The following EPAS1 variants were observed in gnomAD, a reference collection of about 807,000 sequenced individuals.
EPAS1 encodes endothelial PAS domain-containing protein 1.
A neutral mutation model predicts 87.9 loss-of-function variants in EPAS1; 23 were observed. That is an observed-to-expected ratio of 0.26 (90% CI 0.19 to 0.37). The LOEUF (loss-of-function observed/expected upper bound fraction) is 0.37, where lower values mean the gene tolerates loss of function less well. EPAS1 is among the 10% of genes least tolerant of loss of function. The pLI is 1.00. For missense variants in EPAS1, 1,138 were observed against 1,120.7 expected (o/e 1.02, Z -0.22); for synonymous variants, 508 against 444.3 (o/e 1.14, Z -1.80).
intron 1 of EPAS1, among the ~76,000 whole-genome samples, chr2:46,301,939 C>T (rs1185470277): frequency 6.6e-6 from 1 of 151,998 alleles, no homozygotes; most frequent in Non-Finnish European, 1.5e-5. Context: ...TATAGGTAGA[C>T]CTCATTAAAC....
intron 6 of EPAS1, among the ~76,000 whole-genome samples, chr2:46,364,286 A>C (rs1459627252): frequency 6.6e-6 from 1 of 152,222 alleles, no homozygotes; most frequent in Admixed American, 6.5e-5. Context: ...GAAAAGTTAG[A>C]ATCTGAAGAA....
intron 1 of EPAS1, among the ~76,000 whole-genome samples, chr2:46,315,479 G>A (rs1342103920): frequency 6.6e-6 from 1 of 152,220 alleles, no homozygotes; most frequent in Non-Finnish European, 1.5e-5. Flanking sequence ...CTGGATGGCT[G>A]CCCACTGGCC....
At chr2:46,378,555 T>C (rs1385849690) in intron 10 of EPAS1, 102 bp from the exon 11 acceptor site, 7 of 958,142 alleles carry the variant, frequency 7.3e-6, no homozygotes, top group East Asian at 2.4e-5. Flanking sequence ...TGGAATGGAA[T>C]TGAACCTTTG....
intron 1 of EPAS1, among the ~76,000 whole-genome samples, chr2:46,345,810 T>C (rs180713854): frequency 6.6e-6 from 1 of 152,354 alleles, no homozygotes; most frequent in Admixed American, 6.5e-5. Context: ...TTTTTAACTC[T>C]TATGATTGTC....
intron 4 of EPAS1, among the ~76,000 whole-genome samples, chr2:46,357,448 T>C (rs1358862952): frequency 6.6e-6 from 1 of 152,186 alleles, no homozygotes; most frequent in Admixed American, 6.5e-5. Context: ...CTCCATATGG[T>C]GTCTCTAGGG....
At chr2:46,314,051 C>T (rs1192623242) in intron 1 of EPAS1, among the ~76,000 whole-genome samples, 1 of 151,924 alleles carries the variant, frequency 6.6e-6, no homozygotes, top group Admixed American at 6.6e-5. Flanking sequence ...ACAACTGAGG[C>T]ACAAAAATGT....
rs201373195 is a variant in EPAS1 at position 46,302,160 on chromosome 2, CGG to C, written c.26+4233_26+4234del. On this transcript the variant is annotated intron_variant, in intron 1 of 15. Transcript: ENST00000263734. ...TGTGTGTGTGTGTGTGCCCGTGCGT[CGG>C]GGGGGGGGGCAGTGGTGATTCTCAA... Among the ~76,000 whole-genome samples, 473 of 73,836 alleles carry C rather than the reference CGG, an allele frequency of 6.4e-3. 34 individuals carry two copies. The highest frequency in any genetic ancestry group is 0.029 in the African/African-American group (466 of 16,304). The allele number at this position is 73,836 out of a possible 152,430, so 48.4% of individuals were successfully genotyped here. A position where few individuals can be genotyped will look rare whatever the true frequency, so the allele number is the denominator to read the frequency against.
At chr2:46,382,386 G>A (rs1684918792) in intron 14 of EPAS1, 39 bp from the exon 15 acceptor site, 1 of 1,613,514 alleles carries the variant, frequency 6.2e-7, no homozygotes, top group Non-Finnish European at 8.5e-7. Context: ...CCCTCCCTCA[G>A]GCCAATGCTA....
In EPAS1 at chr2:46,378,686, T is replaced by C. The variant is rs767950929; in HGVS notation, c.1473T>C (p.Ser491=). ...TPNSPEDYYT[S]LDNDLKIEVI... Reference sequence around the variant, plus strand: ...ATAGCCCTGAAGACTATTACACATCTTTGGATAACGACCTGAAGATTGAAG... The same window carrying C: ...ATAGCCCTGAAGACTATTACACATCCTTGGATAACGACCTGAAGATTGAAG... The change falls in exon 11 of 16, where the codon TCT becomes TCC. Residue 491 remains serine (S), a synonymous_variant. Coordinates refer to ENST00000263734, the MANE Select transcript of EPAS1 (RefSeq NM_001430.5). 6 of 1,614,176 alleles carry C rather than the reference T, an allele frequency of 3.7e-6. No individual in the cohort carries two copies. Among genetic ancestry groups the C allele is most frequent in the Non-Finnish European group, 4.2e-6 (5 of 1,180,022 alleles).
At chr2:46,302,615 T>A (rs1268845229) in intron 1 of EPAS1, among the ~76,000 whole-genome samples, 1 of 151,478 alleles carries the variant, frequency 6.6e-6, no homozygotes, top group Non-Finnish European at 1.5e-5. Context: ...CCCTAAGATA[T>A]AATCCATAAG....
At chr2:46,363,278 G>A (rs1481787507) in intron 6 of EPAS1, among the ~76,000 whole-genome samples, 1 of 152,132 alleles carries the variant, frequency 6.6e-6, no homozygotes, top group Admixed American at 6.5e-5. Flanking sequence ...ATATAGTGCT[G>A]GGGATGATGA....
chr2:46,306,417 C>A (rs761718828), intron 1 of EPAS1, among the ~76,000 whole-genome samples: 87 of 152,240 alleles, frequency 5.7e-4, no homozygotes, highest in Non-Finnish European at 6.3e-4. Context: ...ACCTGGTTGT[C>A]CATGGTGAGG....
chr2:46,377,780 C>T (rs1684789425), intron 9 of EPAS1, 114 bp from the exon 10 acceptor site: 2 of 1,538,026 alleles, frequency 1.3e-6, no homozygotes, highest in Non-Finnish European at 8.8e-7. Context: ...GGCCTAGCCC[C>T]AGGCATGCCT....
At chr2:46,343,129 A>G (rs1572629776) in intron 1 of EPAS1, among the ~76,000 whole-genome samples, 1 of 151,928 alleles carries the variant, frequency 6.6e-6, no homozygotes, top group South Asian at 2.1e-4. Flanking sequence ...ACATTCCCCC[A>G]CCCTCCCAGC....
intron 15 of EPAS1, 31 bp from the exon 16 acceptor site, chr2:46,384,478 C>T (rs770316586): frequency 3.0e-5 from 49 of 1,614,068 alleles, no homozygotes; most frequent in Non-Finnish European, 4.2e-5. Context: ...CGATTTAGGC[C>T]TTTAAGTTAT....
intron 6 of EPAS1, among the ~76,000 whole-genome samples, chr2:46,363,481 A>C (rs776513154): frequency 2.6e-5 from 4 of 152,210 alleles, no homozygotes; most frequent in Non-Finnish European, 5.9e-5. Context: ...ATTCAGCCTT[A>C]TCCTTTATTC....
At chr2:46,344,082 C>T (rs776605115) in intron 1 of EPAS1, among the ~76,000 whole-genome samples, 1 of 152,200 alleles carries the variant, frequency 6.6e-6, no homozygotes, top group Non-Finnish European at 1.5e-5. Flanking sequence ...TATTTCTGAG[C>T]GTCAGTTTCC....
Position 46,369,833 on chromosome 2 carries a change from A to G in EPAS1, c.786A>G (p.Thr262=). ...TGCCTTTTTAAAAACTCAGAATCAC[A>G]GAACTGATTGGTTACCACCCTGAGG... ...MKFTYCDDRI[T]ELIGYHPEEL... The change falls in exon 7 of 16, where the codon ACA becomes ACG. Residue 262 remains threonine (T), a synonymous_variant. Coordinates refer to ENST00000263734, the MANE Select transcript of EPAS1 (RefSeq NM_001430.5). The G allele has an allele frequency of 6.2e-7, 1 of 1,612,342 alleles. No individual in the cohort carries two copies. The highest frequency in any genetic ancestry group is 8.5e-7 in the Non-Finnish European group (1 of 1,179,110).
chr2:46,380,918 C>A lies in EPAS1; in HGVS notation c.2045+201C>A, dbSNP rs925715673. Among the ~76,000 whole-genome samples the A allele has an allele frequency of 3.3e-5, 5 of 152,128 alleles. No homozygotes were observed. The highest frequency in any genetic ancestry group is 7.4e-5 in the Non-Finnish European group (5 of 68,006). On this transcript the variant is annotated intron_variant, in intron 12 of 15. Coordinates refer to ENST00000263734, the MANE Select transcript of EPAS1 (RefSeq NM_001430.5). The surrounding 1 kb of genome is among the most constrained non-coding windows in gnomAD (Gnocchi z 4.4). The stretch of plus-strand genomic sequence containing the variant: ...TAGGATGGGTTTTTATCTGGGCTGC[C>A]ACTGAGGGCAGGCAAAGAAGTGGCT...
Sources: gnomAD v4.1 joint callset for allele counts (sites outside exome capture counted in the v4.1 genomes callset) on GRCh38, gnomAD v4.1.1 for gene constraint, Gnocchi (gnomAD v3.1) non-coding constraint, MANE v1.5 for transcripts, NCBI Gene and HGNC (gene_info 2026-07-23, HGNC 2026-07-21) for gene names.